ADAM18: variants seen among roughly 807,000 people sequenced by gnomAD.
ADAM18 encodes the protein ADAM metallopeptidase domain 18, also known as disintegrin and metalloproteinase domain-containing protein 18.
In ADAM18, 117 loss-of-function variants were observed where a neutral mutation model predicts 94.4. The observed-to-expected ratio is 1.24, with a 90% CI of 1.07 to 1.45. The LOEUF (loss-of-function observed/expected upper bound fraction) is 1.45. Ranked by LOEUF, ADAM18 falls within the 40% of genes most tolerant of loss-of-function variation. The pLI is 0.00. For synonymous variants in ADAM18, 327 were observed against 291.6 expected (o/e 1.12, Z -1.24); for missense variants, 936 against 880.0 (o/e 1.06, Z -0.81).
intron 7 of ADAM18, among the ~76,000 whole-genome samples, chr8:39,631,093 T>G (rs923816781): frequency 6.6e-6 from 1 of 151,964 alleles, no homozygotes; most frequent in African/African-American, 2.4e-5. Context: ...ATTCCTTATA[T>G]ATTCCAAATA....
intron 12 of ADAM18, among the ~76,000 whole-genome samples, chr8:39,661,555 AAT>A (rs1820842178): frequency 6.6e-6 from 1 of 151,778 alleles, no homozygotes; most frequent in Admixed American, 6.6e-5. Flanking sequence ...AGTAATTTGT[AAT>A]ATTCTTGTTC....
At chr8:39,614,521 G>C (rs968795273) in intron 6 of ADAM18, among the ~76,000 whole-genome samples, 1 of 152,018 alleles carries the variant, frequency 6.6e-6, no homozygotes, top group Non-Finnish European at 1.5e-5. Context: ...AGAACACTAA[G>C]TACATAGACA....
At chr8:39,644,196 ATTAT>A (rs1415965666) in intron 10 of ADAM18, among the ~76,000 whole-genome samples, 1 of 152,124 alleles carries the variant, frequency 6.6e-6, no homozygotes, top group East Asian at 1.9e-4. Flanking sequence ...GAAATATATC[ATTAT>A]TTATTTATCA....
intron 16 of ADAM18, 80 bp from the exon 17 acceptor site, chr8:39,692,518 TAC>T: frequency 1.4e-6 from 1 of 704,026 alleles, no homozygotes; most frequent in Non-Finnish European, 2.3e-6. Context: ...GCATCTCTTA[TAC>T]ATATATAGAA....
chr8:39,721,511 A>G (rs558957185), intron 18 of ADAM18, among the ~76,000 whole-genome samples: 4 of 151,582 alleles, frequency 2.6e-5, no homozygotes, highest in African/African-American at 7.2e-5. Context: ...TGCAAACTAT[A>G]TATCAACAAA....
chr8:39,721,866 T>G (rs1822759375), intron 18 of ADAM18, among the ~76,000 whole-genome samples: 1 of 151,132 alleles, frequency 6.6e-6, no homozygotes, highest in Non-Finnish European at 1.5e-5. Flanking sequence ...GAACTAAAAA[T>G]AGAACTACCA....
chr8:39,628,906 A>C (rs909516661), intron 6 of ADAM18, among the ~76,000 whole-genome samples: 3 of 152,082 alleles, frequency 2.0e-5, no homozygotes, highest in African/African-American at 7.2e-5. Flanking sequence ...CTAACATAAT[A>C]ACCTATAAAT....
chr8:39,695,776 A>G (rs1821907689), intron 17 of ADAM18, among the ~76,000 whole-genome samples: 2 of 151,396 alleles, frequency 1.3e-5, no homozygotes, highest in South Asian at 4.1e-4. Context: ...ATTCTTTTTA[A>G]GCTGAAAACT....
Position 39,690,414 on chromosome 8 carries a change from G to A in ADAM18, c.1822-2186G>A, listed in dbSNP as rs184620658. Reference sequence around the variant, plus strand: ...GGCAGGGGGCACTTCAGCAGGTGTAGTGGGAATGTCATAGGTGGGAGGTGC... The same window carrying A: ...GGCAGGGGGCACTTCAGCAGGTGTAATGGGAATGTCATAGGTGGGAGGTGC... On this transcript the variant is annotated intron_variant, in intron 16 of 19. Transcript: ENST00000265707. 3.7e-3 allele frequency among the ~76,000 whole-genome samples: 565 copies of A among 152,254 alleles called. 4 individuals carry two copies. Among genetic ancestry groups the A allele is most frequent in the Middle Eastern group, 0.017 (5 of 294 alleles).
At chr8:39,585,205 G>A in intron 1 of ADAM18, 71 bp from the exon 2 acceptor site, 1 of 1,262,222 alleles carries the variant, frequency 7.9e-7, no homozygotes, top group Admixed American at 1.9e-5. Flanking sequence ...TCCGGGATAA[G>A]AACCCGTGCT....
At chr8:39,615,128 C>T (rs1819399715) in intron 6 of ADAM18, among the ~76,000 whole-genome samples, 1 of 151,976 alleles carries the variant, frequency 6.6e-6, no homozygotes, top group Non-Finnish European at 1.5e-5. Flanking sequence ...CTACAAAACA[C>T]TCCACCCTAA....
chr8:39,649,191 C>T (rs924659798), intron 12 of ADAM18, among the ~76,000 whole-genome samples: 21 of 152,188 alleles, frequency 1.4e-4, no homozygotes, highest in African/African-American at 4.8e-4. Context: ...AATTCCTCCT[C>T]CCTACATAAA....
At chr8:39,593,618 C>T (rs1334963960) in intron 2 of ADAM18, among the ~76,000 whole-genome samples, 1 of 152,072 alleles carries the variant, frequency 6.6e-6, no homozygotes, top group African/African-American at 2.4e-5. Context: ...AGATTTTCCA[C>T]AAGTTCACCA....
At chr8:39,659,069 T>TGTTA (rs1820764809) in intron 12 of ADAM18, among the ~76,000 whole-genome samples, 1 of 152,172 alleles carries the variant, frequency 6.6e-6, no homozygotes, top group Non-Finnish European at 1.5e-5. Context: ...GGAATGAGAA[T>TGTTA]GTCTAAGTCT....
At chr8:39,609,374 T>G (rs1819193479) in intron 4 of ADAM18, 111 bp from the exon 5 acceptor site, 1 of 746,212 alleles carries the variant, frequency 1.3e-6, no homozygotes. Flanking sequence ...CATTAATAAT[T>G]AATGATCTTA....
chr8:39,615,752 G>A lies in ADAM18; in HGVS notation c.522+5046G>A, dbSNP rs116973378. ...GAAAGAAAAGGCATTCAAATAGGAA[G>A]AGAAGAGGTCAATCTCTCTCTCTTC... is the stretch of plus-strand genomic sequence containing the variant. On this transcript the variant is annotated intron_variant, in intron 6 of 19. Transcript: ENST00000265707. 1.8e-3 allele frequency among the ~76,000 whole-genome samples: 269 copies of A among 152,278 alleles called. 1 individual carries two copies. The highest frequency in any genetic ancestry group is 0.014 in the Middle Eastern group (4 of 294).
intron 6 of ADAM18, chr8:39,611,387 A>G: frequency 1.0e-6 from 1 of 959,316 alleles, no homozygotes; most frequent in Non-Finnish European, 1.2e-6. Flanking sequence ...CTGTAAATGG[A>G]TGTGTTTTGA....
At chr8:39,607,064 C>T (rs751320068) in intron 3 of ADAM18, among the ~76,000 whole-genome samples, 2 of 152,166 alleles carry the variant, frequency 1.3e-5, no homozygotes, top group Non-Finnish European at 2.9e-5. Flanking sequence ...CAACTAGTGA[C>T]ACAATTTTTA....
At chr8:39,723,562 T>C (rs534633176) in intron 18 of ADAM18, among the ~76,000 whole-genome samples, 186 bp from the exon 19 acceptor site, 2 of 151,828 alleles carry the variant, frequency 1.3e-5, no homozygotes, top group South Asian at 4.1e-4. Context: ...AATAAATATG[T>C]GTAAATAAAC....
Sources: gnomAD v4.1 joint callset for allele counts (sites outside exome capture counted in the v4.1 genomes callset) on GRCh38, gnomAD v4.1.1 for gene constraint, MANE v1.5 for transcripts, NCBI Gene and HGNC (gene_info 2026-07-23, HGNC 2026-07-21) for gene names.